CAMK1D: variants seen among roughly 807,000 people sequenced by gnomAD.
CAMK1D encodes the protein calcium/calmodulin-dependent protein kinase type 1D.
In CAMK1D, 9 loss-of-function variants were observed where a neutral mutation model predicts 47.7. The observed-to-expected ratio is 0.19, with a 90% CI of 0.11 to 0.33. CAMK1D has a LOEUF of 0.33. CAMK1D is among the 10% of genes least tolerant of loss of function. CAMK1D has a pLI of 1.00. For missense variants in CAMK1D, 291 were observed against 488.7 expected, an observed-to-expected ratio of 0.60 and a Z score of 3.81; for synonymous variants, 184 against 184.9, an observed-to-expected ratio of 0.99 and a Z score of 0.04.
At chr10:12,436,210 T>G (rs1832630227) in intron 1 of CAMK1D, among the ~76,000 whole-genome samples, 1 of 152,166 alleles carries the variant, frequency 6.6e-6, no homozygotes, top group South Asian at 2.1e-4. Flanking sequence ...CTCTTCCACG[T>G]ACAGGCTTCA....
chr10:12,578,933 C>T (rs1837578962), intron 2 of CAMK1D: 1 of 153,208 alleles, frequency 6.5e-6, no homozygotes, highest in Non-Finnish European at 1.5e-5. Flanking sequence ...ACGCATAGCA[C>T]ATGAGCCCTG....
chr10:12,550,407 C>T (rs35550334), intron 1 of CAMK1D, among the ~76,000 whole-genome samples: 2,112 of 152,300 alleles, frequency 0.014, 15 homozygotes, highest in East Asian at 0.041. Flanking sequence ...CGTACCTCCT[C>T]ATTCAGGGTC....
intron 6 of CAMK1D, among the ~76,000 whole-genome samples, chr10:12,811,899 G>A (rs1398361174): frequency 1.3e-5 from 2 of 152,228 alleles, no homozygotes; most frequent in Non-Finnish European, 2.9e-5. Flanking sequence ...CGTGGGCAGT[G>A]AACTATGTGC....
At chr10:12,455,919 C>A (rs1000752468) in intron 1 of CAMK1D, among the ~76,000 whole-genome samples, 1 of 152,180 alleles carries the variant, frequency 6.6e-6, no homozygotes, top group Non-Finnish European at 1.5e-5. Flanking sequence ...TTAGCCAGTT[C>A]GTGCCAGTAT....
chr10:12,601,475 G>GT (rs1352773302), intron 2 of CAMK1D, among the ~76,000 whole-genome samples: 1 of 151,886 alleles, frequency 6.6e-6, no homozygotes, highest in Non-Finnish European at 1.5e-5. Flanking sequence ...CTTCTTTTTT[G>GT]TTTTTTGAGA....
intron 2 of CAMK1D, among the ~76,000 whole-genome samples, chr10:12,630,089 A>T (rs1839332283): frequency 6.6e-6 from 1 of 152,152 alleles, no homozygotes; most frequent in Non-Finnish European, 1.5e-5. Flanking sequence ...ATTGGACGAG[A>T]TGGCCTCTAC....
intron 1 of CAMK1D, among the ~76,000 whole-genome samples, chr10:12,437,791 C>T (rs1474242220): frequency 2.0e-5 from 3 of 152,154 alleles, no homozygotes; most frequent in Non-Finnish European, 2.9e-5. Context: ...TTTCACTGTC[C>T]TAAAAATTCT....
chr10:12,570,649 C>T (rs1225672217), intron 2 of CAMK1D, among the ~76,000 whole-genome samples: 4 of 133,422 alleles, frequency 3.0e-5, no homozygotes, highest in African/African-American at 5.9e-5. Flanking sequence ...CATTGTGCTC[C>T]AGCTTGGGCA....
At chr10:12,399,526 G>T (rs1466262570) in intron 1 of CAMK1D, among the ~76,000 whole-genome samples, 1 of 151,804 alleles carries the variant, frequency 6.6e-6, no homozygotes, top group Admixed American at 6.6e-5. Context: ...GAAGTTGAGG[G>T]TCATTGCTGG....
At chr10:12,707,496 A>C (rs553175977) in intron 3 of CAMK1D, among the ~76,000 whole-genome samples, 3 of 152,336 alleles carry the variant, frequency 2.0e-5, no homozygotes, top group African/African-American at 7.2e-5. Context: ...GTCAAATAAA[A>C]CATTGGCAGC....
At chr10:12,533,164 T>G (rs889520599) in intron 1 of CAMK1D, among the ~76,000 whole-genome samples, 1 of 152,206 alleles carries the variant, frequency 6.6e-6, no homozygotes. Flanking sequence ...CATTGCATGC[T>G]GTATCAAAAC....
chr10:12,774,248 A>G (rs887685928), intron 5 of CAMK1D, among the ~76,000 whole-genome samples: 25 of 151,948 alleles, frequency 1.6e-4, no homozygotes, highest in Non-Finnish European at 3.7e-4. Context: ...AAAAGATGAT[A>G]AGAAGTTTGT....
chr10:12,716,197 G>A (rs1428438438), intron 3 of CAMK1D, among the ~76,000 whole-genome samples: 1 of 152,074 alleles, frequency 6.6e-6, no homozygotes, highest in Admixed American at 6.6e-5. Flanking sequence ...TTAGACCAGG[G>A]ACTCTCAGCC....
At chr10:12,610,651 C>CA (rs1204503888) in intron 2 of CAMK1D, among the ~76,000 whole-genome samples, 3 of 152,204 alleles carry the variant, frequency 2.0e-5, no homozygotes, top group Admixed American at 6.5e-5. Flanking sequence ...GTCCACTTGT[C>CA]AGGGACGGTC....
chr10:12,656,598 G>A (rs1840122648), intron 2 of CAMK1D, among the ~76,000 whole-genome samples: 1 of 152,198 alleles, frequency 6.6e-6, no homozygotes, highest in Admixed American at 6.5e-5. Context: ...TTCACAATCA[G>A]TATCAACATG....
rs139868938 is a variant in CAMK1D, at chr10:12,428,865, G to A, written c.92+78955G>A. 5.7e-4 allele frequency among the ~76,000 whole-genome samples: 87 copies of A among 152,238 alleles called. 1 individual carries two copies. In the East Asian group the frequency reaches 8.1e-3, roughly 14 times the overall value. ...CAAAGAGACCCCATAGAGCTGCCTC[G>A]CCACTGTGTCAGGATACAGCAAGAA... On this transcript the variant is annotated intron_variant, in intron 1 of 10. Transcript: ENST00000619168.
At chr10:12,350,162 G>A (rs1056821813) in intron 1 of CAMK1D, among the ~76,000 whole-genome samples, 1 of 152,042 alleles carries the variant, frequency 6.6e-6, no homozygotes, top group South Asian at 2.1e-4. Flanking sequence ...ACGCGGGCGC[G>A]CGACTTCCCA....
chr10:12,733,001 T>C (rs1364201352), intron 3 of CAMK1D, among the ~76,000 whole-genome samples: 1 of 152,084 alleles, frequency 6.6e-6, no homozygotes, highest in Non-Finnish European at 1.5e-5. Context: ...AATAAGATAA[T>C]GTACAAAAAA....
chr10:12,509,620 G>A (rs1834982293), intron 1 of CAMK1D, among the ~76,000 whole-genome samples: 1 of 152,184 alleles, frequency 6.6e-6, no homozygotes, highest in South Asian at 2.1e-4. Context: ...GTGTGGTGGT[G>A]CATGTCTGTC....
Sources: allele counts gnomAD v4.1 joint callset (sites outside exome capture counted in the v4.1 genomes callset), GRCh38; gene constraint gnomAD v4.1.1; transcripts MANE v1.5; gene names NCBI Gene and HGNC (gene_info 2026-07-23, HGNC 2026-07-21).